Variants in SLC9A9 observed in about 807,000 individuals in gnomAD.
SLC9A9 encodes the protein sodium/hydrogen exchanger 9.
Under a neutral mutation model 77.8 loss-of-function variants are expected in SLC9A9, and 62 were observed. That is an observed-to-expected ratio of 0.80 (90% CI 0.65 to 0.98). SLC9A9 has a LOEUF of 0.98. Among genes scored for constraint, SLC9A9 ranks in the 50% least tolerant of loss-of-function variants. The pLI is 0.00. For synonymous variants in SLC9A9, 320 were observed against 283.5 expected, an observed-to-expected ratio of 1.13 and a Z score of -1.29; for missense variants, 775 against 774.9, an observed-to-expected ratio of 1.00 and a Z score of 0.00.
intron 9 of SLC9A9, among the ~76,000 whole-genome samples, chr3:143,538,916 C>T (rs1576562806): frequency 6.6e-6 from 1 of 152,190 alleles, no homozygotes; most frequent in South Asian, 2.1e-4. Flanking sequence ...ACATTCTTTC[C>T]TAACAGAAGC....
intron 2 of SLC9A9, among the ~76,000 whole-genome samples, chr3:143,818,273 A>G (rs564417961): frequency 6.6e-6 from 1 of 152,270 alleles, no homozygotes; most frequent in South Asian, 2.1e-4. Flanking sequence ...AATGGAAGAT[A>G]AGAAAAAGTT....
chr3:143,836,255 A>G (rs976443601), intron 1 of SLC9A9, among the ~76,000 whole-genome samples: 3 of 152,244 alleles, frequency 2.0e-5, no homozygotes, highest in Admixed American at 1.3e-4. Flanking sequence ...TTATAAAGAC[A>G]TATTATTCAG....
intron 12 of SLC9A9, among the ~76,000 whole-genome samples, chr3:143,452,901 T>C (rs1385789002): frequency 6.6e-6 from 1 of 152,102 alleles, no homozygotes; most frequent in East Asian, 1.9e-4. Flanking sequence ...ATGCATGCTT[T>C]AATATTTAGA....
Position 143,694,314 on chromosome 3 carries a change from T to G in SLC9A9, c.534-1007A>C, listed in dbSNP as rs74879590. Among the ~76,000 whole-genome samples the G allele has an allele frequency of 8.9e-3, 1,356 of 152,268 alleles. 26 individuals carry two copies. Among genetic ancestry groups the G allele is most frequent in the African/African-American group, 0.031 (1,293 of 41,560 alleles). ...TATTTCAGACCTACCGGCATTTAAA[T>G]CCAGGCTCTACTATCTACTATCTAT... On this transcript the variant is annotated intron_variant, in intron 4 of 15. Coordinates refer to ENST00000316549, the MANE Select transcript of SLC9A9 (RefSeq NM_173653.4).
intron 14 of SLC9A9, among the ~76,000 whole-genome samples, chr3:143,349,726 T>C (rs1392644046): frequency 1.3e-5 from 2 of 152,218 alleles, no homozygotes; most frequent in Non-Finnish European, 2.9e-5. Context: ...TAGGATGTGG[T>C]ATATCAATGT....
chr3:143,565,897 C>T (rs947946412), intron 8 of SLC9A9, among the ~76,000 whole-genome samples: 12 of 152,060 alleles, frequency 7.9e-5, no homozygotes, highest in Non-Finnish European at 1.5e-4. Context: ...ACAATTCAAA[C>T]GAAGTCCCCT....
At chr3:143,732,365 A>G (rs988405246) in intron 4 of SLC9A9, among the ~76,000 whole-genome samples, 1 of 152,234 alleles carries the variant, frequency 6.6e-6, no homozygotes, top group Admixed American at 6.5e-5. Flanking sequence ...AATCATGGGT[A>G]AAGTAGAGAG....
chr3:143,316,155 T>C (rs1201222895), intron 14 of SLC9A9, among the ~76,000 whole-genome samples: 1 of 152,142 alleles, frequency 6.6e-6, no homozygotes, highest in Non-Finnish European at 1.5e-5. Context: ...GGCAGAAACA[T>C]TTCCCACATC....
chr3:143,337,012 C>T (rs1038177877), intron 14 of SLC9A9, among the ~76,000 whole-genome samples: 5 of 152,144 alleles, frequency 3.3e-5, no homozygotes, highest in South Asian at 2.1e-4. Context: ...GTTTGCTACA[C>T]AGTTCCTTTT....
chr3:143,414,595 T>C (rs2034158398), intron 12 of SLC9A9, among the ~76,000 whole-genome samples: 1 of 152,242 alleles, frequency 6.6e-6, no homozygotes, highest in Non-Finnish European at 1.5e-5. Flanking sequence ...TTTGTAATTG[T>C]TCTGGGACAC....
intron 12 of SLC9A9, among the ~76,000 whole-genome samples, chr3:143,435,037 G>A (rs930422938): frequency 6.6e-6 from 1 of 152,142 alleles, no homozygotes; most frequent in Non-Finnish European, 1.5e-5. Context: ...CCGTCATCAA[G>A]CTTTTCCATC....
intron 4 of SLC9A9, among the ~76,000 whole-genome samples, chr3:143,753,619 G>C (rs1366416795): frequency 1.3e-5 from 2 of 152,130 alleles, no homozygotes; most frequent in Non-Finnish European, 1.5e-5. Flanking sequence ...AGGGATGAAT[G>C]CTGTGCTGTG....
At chr3:143,697,910 A>G (rs561984406) in intron 4 of SLC9A9, among the ~76,000 whole-genome samples, 2 of 152,330 alleles carry the variant, frequency 1.3e-5, no homozygotes, top group Non-Finnish European at 2.9e-5. Context: ...TATCAATGCT[A>G]ATTATAATAA....
chr3:143,815,546 TAAA>T (rs879891528), intron 2 of SLC9A9, among the ~76,000 whole-genome samples: 5,288 of 151,192 alleles, frequency 0.035, 220 homozygotes, highest in African/African-American at 0.099. Flanking sequence ...TTTGCTATTT[TAAA>T]AAAAAAAAAA....
At chr3:143,531,933 A>G (rs1391440004) in intron 9 of SLC9A9, among the ~76,000 whole-genome samples, 1 of 152,186 alleles carries the variant, frequency 6.6e-6, no homozygotes, top group Non-Finnish European at 1.5e-5. Context: ...TATCCTGAGG[A>G]TACAATGGAG....
At chr3:143,663,223 C>G (rs1232583577) in intron 5 of SLC9A9, among the ~76,000 whole-genome samples, 1 of 152,206 alleles carries the variant, frequency 6.6e-6, no homozygotes, top group East Asian at 1.9e-4. Context: ...GCTGAGGGTC[C>G]TGACTGTTAG....
intron 14 of SLC9A9, among the ~76,000 whole-genome samples, chr3:143,291,993 C>T (rs2030005773): frequency 6.6e-6 from 1 of 152,178 alleles, no homozygotes; most frequent in Admixed American, 6.5e-5. Flanking sequence ...GAGAGGAATC[C>T]CCCATATAGC....
At chr3:143,645,132 A>G (rs1357946080) in intron 6 of SLC9A9, among the ~76,000 whole-genome samples, 2 of 152,210 alleles carry the variant, frequency 1.3e-5, no homozygotes, top group African/African-American at 2.4e-5. Context: ...TTAGTATTAT[A>G]AAACGTCTCC....
chr3:143,463,791 A>G (rs545034739), intron 12 of SLC9A9, among the ~76,000 whole-genome samples: 1 of 152,336 alleles, frequency 6.6e-6, no homozygotes, highest in South Asian at 2.1e-4. Context: ...AGGACAAGAA[A>G]TTTGAATGGT....
Sources: gnomAD v4.1 joint callset for allele counts (sites outside exome capture counted in the v4.1 genomes callset) on GRCh38, gnomAD v4.1.1 for gene constraint, MANE v1.5 for transcripts, NCBI Gene and HGNC (gene_info 2026-07-23, HGNC 2026-07-21) for gene names.